BLNK: variants seen among roughly 807,000 people sequenced by gnomAD.
BLNK encodes B-cell linker protein.
BLNK carries 29 observed loss-of-function variants against 73.5 expected under a neutral mutation model. The observed-to-expected ratio is 0.39, with a 90% CI of 0.29 to 0.54. BLNK has a LOEUF of 0.54. Among genes scored for constraint, BLNK ranks in the 20% least tolerant of loss-of-function variants. The pLI, the probability that BLNK is intolerant of heterozygous loss-of-function variation, is 0.61. For synonymous variants in BLNK, 176 were observed against 200.8 expected (o/e 0.88, Z 1.04); for missense variants, 460 against 562.8 (o/e 0.82, Z 1.85).
At chr10:96,213,853 G>T (rs984532948) in intron 8 of BLNK, among the ~76,000 whole-genome samples, 6 of 152,108 alleles carry the variant, frequency 3.9e-5, no homozygotes, top group Admixed American at 6.6e-5. Context: ...TTTTAGATTG[G>T]CATGTTTGAC....
intron 6 of BLNK, among the ~76,000 whole-genome samples, chr10:96,219,080 G>A (rs1554900470): frequency 6.6e-6 from 1 of 152,212 alleles, no homozygotes; most frequent in African/African-American, 2.4e-5. Context: ...CTCCTCTGTG[G>A]CACAGGGAAC....
chr10:96,230,625 T>C (rs1842461685), intron 4 of BLNK, among the ~76,000 whole-genome samples, 169 bp downstream of exon 4: 1 of 152,212 alleles, frequency 6.6e-6, no homozygotes, highest in Non-Finnish European at 1.5e-5. Flanking sequence ...GCACACTGAG[T>C]GCCAGTCAAG....
chr10:96,242,982 C>A (rs918024454), intron 2 of BLNK, among the ~76,000 whole-genome samples, 198 bp from the exon 3 acceptor site: 1 of 152,174 alleles, frequency 6.6e-6, no homozygotes, highest in Non-Finnish European at 1.5e-5. Flanking sequence ...CTCCCCATCT[C>A]CCCAGTGCAT....
rs542457029 is a variant in BLNK, at chr10:96,262,043, G to C, written c.47+9309C>G. On this transcript the variant is annotated intron_variant, in intron 1 of 16. Transcript: ENST00000224337. ...GGGAACTCCCGTTTACTTAGGTGTG[G>C]TCTCCCACCTCTGGCCTTTCCCTCC... 9.2e-5 allele frequency among the ~76,000 whole-genome samples: 14 copies of C among 152,202 alleles called. 1 individual carries two copies. In the South Asian group the frequency reaches 2.5e-3, roughly 27 times the overall value.
intron 1 of BLNK, among the ~76,000 whole-genome samples, chr10:96,262,620 TG>T (rs1381084010): frequency 2.0e-5 from 3 of 152,208 alleles, no homozygotes; most frequent in Non-Finnish European, 4.4e-5. Flanking sequence ...GCTGTGTGCT[TG>T]GTCTGTATAT....
intron 8 of BLNK, among the ~76,000 whole-genome samples, chr10:96,212,009 C>T (rs2083959339): frequency 6.6e-6 from 1 of 152,194 alleles, no homozygotes; most frequent in Non-Finnish European, 1.5e-5. Context: ...CTCCTTTGGC[C>T]ACTATATTAT....
At chr10:96,243,236 G>C (rs1413748864) in intron 2 of BLNK, among the ~76,000 whole-genome samples, 1 of 152,172 alleles carries the variant, frequency 6.6e-6, no homozygotes, top group Non-Finnish European at 1.5e-5. Flanking sequence ...CTAAAATTAT[G>C]TTTGCACCAT....
intron 1 of BLNK, among the ~76,000 whole-genome samples, chr10:96,253,619 C>A (rs1484554271): frequency 6.6e-6 from 1 of 152,150 alleles, no homozygotes; most frequent in African/African-American, 2.4e-5. Context: ...TAAACCATAT[C>A]AATAGAATAA....
rs1354422097 is a variant in BLNK at position 96,191,506 on chromosome 10, C to T, written c.*467G>A. On this transcript the variant is annotated 3_prime_UTR_variant, in exon 17 of 17. Transcript: ENST00000224337. ...ATTACATCCTTCTTGCCTATACTTACAGATATCATACATTACCTTTAATAC... is the reference window on the plus strand; with the variant it reads ...ATTACATCCTTCTTGCCTATACTTATAGATATCATACATTACCTTTAATAC... Among the ~76,000 whole-genome samples the T allele has an allele frequency of 6.6e-6, 1 of 152,066 alleles. No homozygotes were observed. The highest frequency in any genetic ancestry group is 1.9e-4 in the East Asian group (1 of 5,192).
At chr10:96,212,439 G>A (rs2083969916) in intron 8 of BLNK, among the ~76,000 whole-genome samples, 1 of 152,138 alleles carries the variant, frequency 6.6e-6, no homozygotes, top group South Asian at 2.1e-4. Flanking sequence ...ATACCCCTAG[G>A]CATAGGTGCC....
At chr10:96,224,191 A>G (rs1207334504) in intron 5 of BLNK, among the ~76,000 whole-genome samples, 1 of 152,194 alleles carries the variant, frequency 6.6e-6, no homozygotes, top group African/African-American at 2.4e-5. Flanking sequence ...AAAAACTGGA[A>G]GAACGTCCTC....
rs782319949 is a variant in BLNK, at chr10:96,247,013, A to G, written c.84T>C (p.Asn28=). 2.5e-6 allele frequency: 4 copies of G among 1,608,018 alleles called. No homozygotes were observed. The South Asian group carries it at 3.3e-5, about 13-fold the overall frequency. ...TGATTTTATTCATTATTCCACCTTCATTGTTTTTAATATCATGGACCATCT... is the reference window on the plus strand; with the variant it reads ...TGATTTTATTCATTATTCCACCTTCGTTGTTTTTAATATCATGGACCATCT... ...LQKMVHDIKN[N]EGGIMNKIKK... is the part of the protein sequence containing the mutation. The change falls in exon 2 of 17, where the codon AAT becomes AAC. Residue 28 remains asparagine (N), a synonymous_variant. Coordinates refer to ENST00000224337, the MANE Select transcript of BLNK (RefSeq NM_013314.4).
intron 1 of BLNK, 27 bp from the exon 2 acceptor site, chr10:96,247,076 A>T: frequency 1.3e-6 from 2 of 1,526,624 alleles, no homozygotes; most frequent in East Asian, 2.3e-5. Flanking sequence ...TAAACATAAG[A>T]TATTAATAAC....
At chr10:96,237,237 G>A (rs1554905263) in intron 3 of BLNK, among the ~76,000 whole-genome samples, 2 of 152,174 alleles carry the variant, frequency 1.3e-5, no homozygotes. Flanking sequence ...CATGACAAAA[G>A]CAATGTTAAA....
Position 96,252,341 on chromosome 10 carries a change from A to G in BLNK, c.48-5292T>C, listed in dbSNP as rs150489079. 1.8e-3 allele frequency among the ~76,000 whole-genome samples: 277 copies of G among 152,312 alleles called. 2 individuals are homozygous for G. Among genetic ancestry groups the G allele is most frequent in the African/African-American group, 6.3e-3 (261 of 41,574 alleles). On this transcript the variant is annotated intron_variant, in intron 1 of 16. Transcript: ENST00000224337. ...GCTGGGATTACAGGCATGAGCCACC[A>G]TGCCCAGCTCCTGCATTTCTAACAA... is the stretch of plus-strand genomic sequence containing the variant.
intron 3 of BLNK, among the ~76,000 whole-genome samples, chr10:96,239,649 G>A (rs1292406336): frequency 6.6e-6 from 1 of 152,204 alleles, no homozygotes; most frequent in Non-Finnish European, 1.5e-5. Context: ...AAATATTTAA[G>A]AGGCATTTAA....
intron 8 of BLNK, among the ~76,000 whole-genome samples, chr10:96,214,950 T>C (rs1282731913): frequency 6.6e-6 from 1 of 152,150 alleles, no homozygotes; most frequent in Non-Finnish European, 1.5e-5. Flanking sequence ...CGGGGCACAC[T>C]GGGGTTCCAA....
rs201052118 is a variant in BLNK, at chr10:96,271,365, T to A, written c.34A>T (p.Ser12Cys). ...GGAAAATCTTACCTCAACTTCTGAC[T>A]GGCGGGGACGGTTATTTTATTAAGC... ...DKLNKITVPA[S>C]QKLRQLQKMV... Residue 12 changes from serine to cysteine, a missense_variant, in exon 1 of 17, where the codon AGT becomes TGT. Transcript: ENST00000224337. The A allele has an allele frequency of 1.6e-5, 26 of 1,614,038 alleles. No homozygotes were observed. In the Admixed American group the frequency reaches 4.2e-4, roughly 26 times the overall value.
At chr10:96,259,245 A>C (rs1843642672) in intron 1 of BLNK, among the ~76,000 whole-genome samples, 1 of 151,776 alleles carries the variant, frequency 6.6e-6, no homozygotes, top group Admixed American at 6.6e-5. Context: ...ATGTGCCCCC[A>C]CCCCTGCCTT....
Sources: allele counts gnomAD v4.1 joint callset (sites outside exome capture counted in the v4.1 genomes callset), GRCh38; gene constraint gnomAD v4.1.1; transcripts MANE v1.5; gene names NCBI Gene and HGNC (gene_info 2026-07-23, HGNC 2026-07-21).